SYNRG: variants seen among roughly 807,000 people sequenced by gnomAD.
The protein encoded by SYNRG is AP1 gamma subunit binding protein 1.
A neutral mutation model predicts 130.9 loss-of-function variants in SYNRG; 37 were observed. The observed-to-expected ratio is 0.28, with a 90% CI of 0.22 to 0.37. The LOEUF is 0.37. Among genes scored for constraint, SYNRG ranks in the 10% least tolerant of loss-of-function variants. The pLI is 1.00. For synonymous variants in SYNRG, 539 were observed against 568.1 expected (o/e 0.95, Z 0.73); for missense variants, 1,338 against 1,588.9 (o/e 0.84, Z 2.68).
rs1389475075 is a variant in SYNRG, at chr17:37,609,363, C to A, written c.-8G>T. 5 of 1,425,924 alleles carry A rather than the reference C, an allele frequency of 3.5e-6. No homozygotes were observed. Among genetic ancestry groups the A allele is most frequent in the South Asian group, 1.4e-5 (1 of 70,508 alleles). 88.3% of individuals were successfully genotyped at this position (1,425,924 alleles called of 1,614,324 possible). A position where few individuals can be genotyped will look rare whatever the true frequency, so the allele number is the denominator to read the frequency against. ...TCCTGGCCGCAGCGCCATCTTGCTC[C>A]CGACCTGCCGCTGCCTTCGCCGCCG... On this transcript the variant is annotated 5_prime_UTR_variant, in exon 1 of 22. Coordinates refer to ENST00000612223, the MANE Select transcript of SYNRG (RefSeq NM_007247.6).
chr17:37,536,334 C>T, intron 18 of SYNRG: 1 of 590,512 alleles, frequency 1.7e-6, no homozygotes, highest in Non-Finnish European at 2.8e-6. Flanking sequence ...TGCTTGGGTT[C>T]AAACCCCAGC....
At chr17:37,559,276 G>C (rs562718741) in intron 13 of SYNRG, among the ~76,000 whole-genome samples, 3 of 152,182 alleles carry the variant, frequency 2.0e-5, no homozygotes, top group East Asian at 1.9e-4. Flanking sequence ...CCTTAATCAA[G>C]TCATTTTTAA....
intron 19 of SYNRG, among the ~76,000 whole-genome samples, chr17:37,531,240 T>C: frequency 1.3e-5 from 2 of 151,896 alleles, no homozygotes; most frequent in South Asian, 4.2e-4. Context: ...CTCTAAACAA[T>C]GAACAAACAG....
intron 3 of SYNRG, among the ~76,000 whole-genome samples, chr17:37,594,845 G>A (rs1415712086): frequency 2.6e-5 from 4 of 152,094 alleles, no homozygotes; most frequent in Non-Finnish European, 4.4e-5. Flanking sequence ...TGATGTTAAG[G>A]CCACATTACT....
At chr17:37,559,903 G>A (rs185539366) in intron 13 of SYNRG, among the ~76,000 whole-genome samples, 20 of 152,148 alleles carry the variant, frequency 1.3e-4, no homozygotes, top group Non-Finnish European at 2.1e-4. Context: ...CACTGATTTG[G>A]AATTTGCCCT....
At chr17:37,546,907 C>T (rs1334943232) in intron 14 of SYNRG, among the ~76,000 whole-genome samples, 3 of 152,162 alleles carry the variant, frequency 2.0e-5, no homozygotes, top group Non-Finnish European at 4.4e-5. Flanking sequence ...TCTCTCTACC[C>T]TGGGCCCTAA....
chr17:37,586,277 A>G (rs760693828), intron 4 of SYNRG, 142 bp downstream of exon 4: 14 of 1,238,542 alleles, frequency 1.1e-5, no homozygotes, highest in Non-Finnish European at 1.5e-5. Context: ...TATAGGCATG[A>G]ACCACTGGGC....
At chr17:37,529,959 T>C in intron 19 of SYNRG, 1 of 982,714 alleles carries the variant, frequency 1.0e-6, no homozygotes, top group Non-Finnish European at 1.5e-6. Context: ...AACCTTAAAA[T>C]CTAAATGTAA....
chr17:37,570,530 A>C (rs1251932911), intron 10 of SYNRG, 107 bp downstream of exon 10: 1 of 1,384,600 alleles, frequency 7.2e-7, no homozygotes, highest in African/African-American at 1.4e-5. Context: ...TAAGAATTTA[A>C]ATGTGCTCAC....
chr17:37,553,403 C>T lies in SYNRG; in HGVS notation c.2320G>A (p.Asp774Asn). The change falls in exon 14 of 22, where the codon GAT becomes AAT. Residue 774 changes from aspartate (D) to asparagine (N), a missense_variant. Physicochemically the swap from Asp to Asn is conservative, Grantham distance 23 (BLOSUM62 1). Around this residue, in one of 3 missense-constraint regions of SYNRG, gnomAD observed 1,146 missense variants for 1,342.3 expected, o/e 0.85. Transcript: ENST00000612223. ...CTGGAGTGGAAGTCAGCAAAATCAT[C>T]ATCACTTTTTCCTGAAGGAGTGTTA... ...KDNTPSGKSD[D>N]DFADFHSSKF... The T allele has an allele frequency of 6.2e-7, 1 of 1,614,218 alleles. No homozygotes were observed. The highest frequency in any genetic ancestry group is 8.5e-7 in the Non-Finnish European group (1 of 1,180,044).
At chr17:37,519,092 T>C (rs375200853) in intron 21 of SYNRG, 21 bp from the exon 22 acceptor site, 441 of 1,609,176 alleles carry the variant, frequency 2.7e-4, no homozygotes, top group Non-Finnish European at 3.5e-4. Flanking sequence ...TAAACAGAGA[T>C]GTGGGGCAAG....
At position 37,542,499 on chromosome 17, in the gene SYNRG, G is replaced by A. The variant is rs1466131908; in HGVS notation, c.2675C>T (p.Thr892Ile). Reference sequence around the variant, plus strand: ...ATCCCTGTCTGACCAGTCATAGCTTGTAAGTGTGCTCACTGCAAAATTGCT... The same window carrying A: ...ATCCCTGTCTGACCAGTCATAGCTTATAAGTGTGCTCACTGCAAAATTGCT... Reference protein sequence around the residue: ...YSSNFAVSTLTSYDWSDRDDA... With the variant: ...YSSNFAVSTLISYDWSDRDDA... The change falls in exon 15 of 22, where the codon ACA becomes ATA. Residue 892 changes from threonine (T) to isoleucine (I), a missense_variant. Coordinates refer to ENST00000612223, the MANE Select transcript of SYNRG (RefSeq NM_007247.6). The A allele has an allele frequency of 1.9e-6, 3 of 1,613,376 alleles. No individual in the cohort carries two copies. The highest frequency in any genetic ancestry group is 1.7e-5 in the Admixed American group (1 of 59,998).
chr17:37,542,452 G>A lies in SYNRG; in HGVS notation c.2722C>T (p.Leu908Phe), dbSNP rs777665331. The A allele has an allele frequency of 6.2e-7, 1 of 1,614,086 alleles. No individual in the cohort carries two copies. The highest frequency in any genetic ancestry group is 1.1e-5 in the South Asian group (1 of 91,070). ...CCTGCTGAGAGGACAAATGGAGAGA[G>A]TTTTCTGCCCTGAGTTGCATCATCC... ...DRDDATQGRK[L>F]SPFVLSAGSG... Residue 908 changes from leucine (L) to phenylalanine (F), a missense_variant, in exon 15 of 22, where the codon CTC (leucine) becomes TTC (phenylalanine). By Grantham distance (22) the Leu-to-Phe change is conservative. Around this residue, in one of 3 missense-constraint regions of SYNRG, gnomAD observed 1,146 missense variants for 1,342.3 expected, o/e 0.85. Coordinates refer to ENST00000612223, the MANE Select transcript of SYNRG (RefSeq NM_007247.6).
chr17:37,522,637 CTTTT>C (rs36077729), intron 19 of SYNRG, among the ~76,000 whole-genome samples: 5 of 97,770 alleles, frequency 5.1e-5, no homozygotes, highest in Admixed American at 2.3e-4. Flanking sequence ...CCAGCTAACA[CTTTT>C]TTTTTTTTTT....
chr17:37,569,018 T>G (rs763272925), intron 10 of SYNRG, 94 bp from the exon 11 acceptor site: 1 of 1,416,460 alleles, frequency 7.1e-7, no homozygotes. Context: ...GCCTTTAAAA[T>G]TTCTCAGTTT....
At chr17:37,560,384 G>T (rs1223730020) in intron 13 of SYNRG, among the ~76,000 whole-genome samples, 2 of 147,334 alleles carry the variant, frequency 1.4e-5, no homozygotes, top group African/African-American at 5.1e-5. Context: ...TGCCCAGGCT[G>T]GAGTGCAGTG....
At chr17:37,545,526 T>C (rs1442104306) in intron 14 of SYNRG, among the ~76,000 whole-genome samples, 1 of 152,192 alleles carries the variant, frequency 6.6e-6, no homozygotes, top group African/African-American at 2.4e-5. Context: ...AACAAGAAAA[T>C]GTCTTTTGAA....
intron 3 of SYNRG, among the ~76,000 whole-genome samples, chr17:37,588,053 C>A (rs2061838319): frequency 6.6e-6 from 1 of 152,116 alleles, no homozygotes; most frequent in South Asian, 2.1e-4. Context: ...TATATCCTCA[C>A]TTCCCTTCTT....
intron 13 of SYNRG, among the ~76,000 whole-genome samples, chr17:37,558,238 T>C (rs920792403): frequency 6.6e-6 from 1 of 152,204 alleles, no homozygotes; most frequent in African/African-American, 2.4e-5. Context: ...TGGGCTTTCC[T>C]TCTTTAAAGA....
Sources: gnomAD v4.1 joint callset for allele counts (sites outside exome capture counted in the v4.1 genomes callset) on GRCh38, gnomAD v4.1.1 for gene constraint, gnomAD v4.1.1 regional missense constraint, MANE v1.5 for transcripts, NCBI Gene and HGNC (gene_info 2026-07-23, HGNC 2026-07-21) for gene names.